TMC2: variants seen among roughly 807,000 people sequenced by gnomAD.
TMC2 encodes transmembrane channel like 2.
A neutral mutation model predicts 105.9 loss-of-function variants in TMC2; 102 were observed. The ratio of observed to expected loss-of-function variants is 0.96; its 90% CI spans 0.82 to 1.14. The LOEUF is 1.14. TMC2 is among the 50% of genes most tolerant of loss of function. The pLI is 0.00. For synonymous variants in TMC2, 402 were observed against 422.8 expected (o/e 0.95, Z 0.60); for missense variants, 1,093 against 1,134.3 (o/e 0.96, Z 0.52).
Position 2,558,930 on chromosome 20 carries a change from C to T in TMC2, c.401+156C>T, listed in dbSNP as rs535198740. On this transcript the variant is annotated intron_variant, in intron 3 of 19. Transcript: ENST00000358864. The surrounding 1 kb of genome is among the most constrained non-coding windows in gnomAD (Gnocchi z 4.6). ...CCGTGCCTCCCAGCCCTTACCACTGCCCCACTCTGCGGTGGGTTCTTCATC... is the reference window on the plus strand; with the variant it reads ...CCGTGCCTCCCAGCCCTTACCACTGTCCCACTCTGCGGTGGGTTCTTCATC... 6.6e-6 allele frequency among the ~76,000 whole-genome samples: 1 copy of T among 152,366 alleles called. No homozygotes were observed. Among genetic ancestry groups the T allele is most frequent in the South Asian group, 2.1e-4 (1 of 4,828 alleles).
At chr20:2,620,925 TGG>T (rs1158040711) in intron 16 of TMC2, among the ~76,000 whole-genome samples, 5 of 152,186 alleles carry the variant, frequency 3.3e-5, no homozygotes, top group African/African-American at 1.2e-4. Context: ...CTTTTGGTAA[TGG>T]AGTGTTTACA....
chr20:2,569,195 T>C (rs1172670974), intron 4 of TMC2, among the ~76,000 whole-genome samples: 1 of 152,226 alleles, frequency 6.6e-6, no homozygotes, highest in African/African-American at 2.4e-5. Flanking sequence ...TCAAAGCTAC[T>C]AACAGTTTAA....
intron 11 of TMC2, among the ~76,000 whole-genome samples, chr20:2,604,798 C>T (rs2086377301): frequency 6.6e-6 from 1 of 152,180 alleles, no homozygotes; most frequent in African/African-American, 2.4e-5. Context: ...CCATAAAAAC[C>T]CAAAGGGCAG....
intron 4 of TMC2, among the ~76,000 whole-genome samples, chr20:2,568,509 A>T (rs2086079911): frequency 6.6e-6 from 1 of 152,156 alleles, no homozygotes; most frequent in Non-Finnish European, 1.5e-5. Context: ...GAGAGAAGAG[A>T]AGCGTTTGCT....
intron 2 of TMC2, among the ~76,000 whole-genome samples, chr20:2,541,912 A>C: frequency 1.8e-5 from 1 of 55,152 alleles, no homozygotes; most frequent in East Asian, 5.6e-4. Context: ...CCGTTTCCTA[A>C]TTGCATTTCC....
chr20:2,584,169 G>T (rs143356037), intron 7 of TMC2, among the ~76,000 whole-genome samples: 1,875 of 152,210 alleles, frequency 0.012, 51 homozygotes, highest in African/African-American at 0.043. Context: ...ATGAGGCCGG[G>T]CGCGGTGGCT....
At chr20:2,613,118 C>A in intron 13 of TMC2, 76 bp from the exon 14 acceptor site, 3 of 1,544,138 alleles carry the variant, frequency 1.9e-6, no homozygotes, top group Non-Finnish European at 2.6e-6. Flanking sequence ...TTATTAGACT[C>A]TCAACAAACT....
intron 4 of TMC2, among the ~76,000 whole-genome samples, chr20:2,562,330 G>A (rs1274826906): frequency 6.6e-6 from 1 of 152,202 alleles, no homozygotes; most frequent in South Asian, 2.1e-4. Flanking sequence ...ACAGAGACAT[G>A]CCTTCTCCTG....
intron 2 of TMC2, among the ~76,000 whole-genome samples, chr20:2,549,794 T>C (rs1421619324): frequency 1.3e-5 from 2 of 152,198 alleles, no homozygotes; most frequent in African/African-American, 2.4e-5. Context: ...CTTGAGAGTT[T>C]CCTCAGAGCA....
chr20:2,635,797 T>C (rs976680792), intron 17 of TMC2, 129 bp from the exon 18 acceptor site: 6 of 716,770 alleles, frequency 8.4e-6, no homozygotes, highest in African/African-American at 1.8e-5. Flanking sequence ...GAAAAGAAGA[T>C]GGTAGGACAC....
intron 5 of TMC2, among the ~76,000 whole-genome samples, chr20:2,575,820 A>G (rs933985110): frequency 5.3e-5 from 8 of 150,824 alleles, no homozygotes; most frequent in Admixed American, 2.0e-4. Context: ...CATGGAATCC[A>G]TTTTCCTCTG....
At chr20:2,622,784 C>A (rs1180877522) in intron 16 of TMC2, among the ~76,000 whole-genome samples, 1 of 152,144 alleles carries the variant, frequency 6.6e-6, no homozygotes, top group Non-Finnish European at 1.5e-5. Context: ...CTATACTTTA[C>A]ACAGAAAATG....
At chr20:2,568,950 G>T (rs768142222) in intron 4 of TMC2, among the ~76,000 whole-genome samples, 6 of 152,222 alleles carry the variant, frequency 3.9e-5, no homozygotes, top group Admixed American at 6.5e-5. Context: ...AGCAGGAACA[G>T]TGGGGTAGGC....
intron 2 of TMC2, among the ~76,000 whole-genome samples, chr20:2,556,421 T>C (rs556658918): frequency 6.6e-6 from 1 of 152,334 alleles, no homozygotes; most frequent in African/African-American, 2.4e-5. Context: ...TCTTCCTTTA[T>C]GTAAATCCAA....
At chr20:2,634,159 T>C (rs1568532055) in intron 17 of TMC2, among the ~76,000 whole-genome samples, 2 of 152,158 alleles carry the variant, frequency 1.3e-5, no homozygotes, top group African/African-American at 2.4e-5. Context: ...AGCTACAGGA[T>C]AGTCTGATGA....
intron 18 of TMC2, among the ~76,000 whole-genome samples, chr20:2,636,766 GGCGT>G (rs375470959): frequency 0.016 from 2,105 of 135,776 alleles, 33 homozygotes; most frequent in African/African-American, 0.051. Flanking sequence ...TGGGACTACA[GGCGT>G]GCATGCACCA....
chr20:2,569,759 A>C, intron 4 of TMC2, among the ~76,000 whole-genome samples: 1 of 152,168 alleles, frequency 6.6e-6, no homozygotes, highest in East Asian at 1.9e-4. Flanking sequence ...TCACACCAAA[A>C]TTATGGTATC....
At chr20:2,602,356 G>A in intron 11 of TMC2, 55 bp downstream of exon 11, 1 of 1,345,402 alleles carries the variant, frequency 7.4e-7, no homozygotes, top group Non-Finnish European at 1.0e-6. Context: ...TGAAATCACT[G>A]GTTCCTATGC....
chr20:2,593,360 A>G (rs2086282509), intron 8 of TMC2, among the ~76,000 whole-genome samples: 2 of 152,212 alleles, frequency 1.3e-5, no homozygotes, highest in South Asian at 2.1e-4. Context: ...CATATCACCA[A>G]TTAAGAACCT....
Sources: gnomAD v4.1 joint callset for allele counts (sites outside exome capture counted in the v4.1 genomes callset) on GRCh38, gnomAD v4.1.1 for gene constraint, Gnocchi (gnomAD v3.1) non-coding constraint, MANE v1.5 for transcripts, NCBI Gene and HGNC (gene_info 2026-07-23, HGNC 2026-07-21) for gene names.